The following SESTD1 variants were observed in gnomAD, a reference collection of about 807,000 sequenced individuals.
SESTD1 encodes SEC14 and spectrin domain containing 1.
A neutral mutation model predicts 101.7 loss-of-function variants in SESTD1; 43 were observed. That is an observed-to-expected ratio of 0.42 (90% CI 0.33 to 0.55). SESTD1 has a LOEUF of 0.55. SESTD1 is among the 20% of genes least tolerant of loss of function. The probability of loss-of-function intolerance (pLI) is 0.07; values close to 1 mark genes in which losing one functional copy is unlikely to be tolerated. For missense variants in SESTD1, 647 were observed against 815.1 expected (o/e 0.79, Z 2.51); for synonymous variants, 283 against 286.8 (o/e 0.99, Z 0.13).
intron 3 of SESTD1, 25 bp downstream of exon 3, chr2:179,183,055 T>C: frequency 6.8e-7 from 1 of 1,471,422 alleles, no homozygotes; most frequent in Non-Finnish European, 9.3e-7. Flanking sequence ...TACTGAGATT[T>C]AAGAAAAGAC....
intron 1 of SESTD1, among the ~76,000 whole-genome samples, chr2:179,245,422 A>G (rs905749410): frequency 6.6e-6 from 1 of 150,976 alleles, no homozygotes; most frequent in African/African-American, 2.4e-5. Flanking sequence ...AGGCTAAGGC[A>G]GAAGAATCAC....
At chr2:179,243,623 T>C (rs1328493197) in intron 1 of SESTD1, among the ~76,000 whole-genome samples, 3 of 152,122 alleles carry the variant, frequency 2.0e-5, no homozygotes, top group African/African-American at 7.2e-5. Context: ...TGGATGCAGC[T>C]AGAGGACATC....
intron 1 of SESTD1, among the ~76,000 whole-genome samples, chr2:179,198,569 A>G (rs1217920757): frequency 4.6e-5 from 7 of 152,120 alleles, no homozygotes; most frequent in African/African-American, 1.4e-4. Flanking sequence ...AGCTCTCCTC[A>G]GCAAATGTAA....
At chr2:179,232,791 TG>T (rs2047005823) in intron 1 of SESTD1, among the ~76,000 whole-genome samples, 1 of 152,204 alleles carries the variant, frequency 6.6e-6, no homozygotes, top group African/African-American at 2.4e-5. Flanking sequence ...TTCTACTTTT[TG>T]TATAGGAAAG....
intron 9 of SESTD1, 64 bp downstream of exon 9, chr2:179,143,524 TAGTC>T (rs368425508): frequency 2.5e-4 from 354 of 1,392,340 alleles, no homozygotes; most frequent in African/African-American, 1.8e-3. Context: ...TAAGACTTAA[TAGTC>T]AGTCACATAG....
intron 10 of SESTD1, among the ~76,000 whole-genome samples, chr2:179,131,846 G>A (rs1436372131): frequency 6.6e-6 from 1 of 152,134 alleles, no homozygotes; most frequent in Non-Finnish European, 1.5e-5. Context: ...CTCAGAGAAT[G>A]GAAAAATATT....
chr2:179,135,177 T>C (rs1051712079), intron 9 of SESTD1, among the ~76,000 whole-genome samples: 1 of 152,090 alleles, frequency 6.6e-6, no homozygotes, highest in Non-Finnish European at 1.5e-5. Flanking sequence ...ACTCCTGACC[T>C]CGTGATGCAC....
At chr2:179,192,627 G>A (rs2046334900) in intron 1 of SESTD1, among the ~76,000 whole-genome samples, 1 of 152,154 alleles carries the variant, frequency 6.6e-6, no homozygotes, top group African/African-American at 2.4e-5. Context: ...AATACAAAAA[G>A]GGACTACCCT....
At chr2:179,258,538 T>C (rs1270920211) in intron 1 of SESTD1, among the ~76,000 whole-genome samples, 1 of 152,208 alleles carries the variant, frequency 6.6e-6, no homozygotes, top group Non-Finnish European at 1.5e-5. Context: ...GGCAGGTTCA[T>C]TTTCTAAATG....
chr2:179,183,787 G>A (rs539108745), intron 2 of SESTD1, among the ~76,000 whole-genome samples: 16 of 151,010 alleles, frequency 1.1e-4, no homozygotes, highest in South Asian at 6.3e-4. Flanking sequence ...AGTACTGGCC[G>A]GGGCAACATA....
intron 10 of SESTD1, among the ~76,000 whole-genome samples, chr2:179,128,820 T>G (rs1042607082): frequency 3.3e-5 from 5 of 151,902 alleles, no homozygotes; most frequent in African/African-American, 1.2e-4. Context: ...ACAGCCATTC[T>G]CCGGTCTGTC....
rs71023474 is a variant in SESTD1 at position 179,230,113 on chromosome 2, C to CTTTTTTTT, written c.-26+34378_-26+34385dup. 3.2e-3 allele frequency among the ~76,000 whole-genome samples: 181 copies of CTTTTTTTT among 56,416 alleles called. 60 individuals are homozygous for CTTTTTTTT. The highest frequency in any genetic ancestry group is 0.013 in the East Asian group (15 of 1,138). The allele number at this position is 56,416 out of a possible 152,430, so 37.0% of individuals were successfully genotyped here. ...AAATATTCCAAACTGGATTGTATCT[C>CTTTTTTTT]TTTTTTTTTTTTTTTTTTTTTTTTT... On this transcript the variant is annotated intron_variant, in intron 1 of 17. Transcript: ENST00000428443.
chr2:179,234,876 AG>A (rs1034773748), intron 1 of SESTD1, among the ~76,000 whole-genome samples: 6 of 151,114 alleles, frequency 4.0e-5, no homozygotes, highest in African/African-American at 7.3e-5. Flanking sequence ...TGGAAGGCTG[AG>A]GTGGGAGGAT....
rs1414299772 is a variant in SESTD1 at position 179,216,469 on chromosome 2, T to C, written c.-25-24603A>G. ...AGGAGAACTACCAACCACTGCTCAA[T>C]GAAATAAAAGAGGACACAAACAAAT... On this transcript the variant is annotated intron_variant, in intron 1 of 17. Coordinates refer to ENST00000428443, the MANE Select transcript of SESTD1 (RefSeq NM_178123.5). Among the ~76,000 whole-genome samples, 3 of 134,240 alleles carry C rather than the reference T, an allele frequency of 2.2e-5. 1 individual carries two copies. The highest frequency in any genetic ancestry group is 4.8e-5 in the Non-Finnish European group (3 of 62,640). The allele number at this position is 134,240 out of a possible 152,430, so 88.1% of individuals were successfully genotyped here.
At chr2:179,199,756 C>T (rs964877072) in intron 1 of SESTD1, among the ~76,000 whole-genome samples, 2 of 152,150 alleles carry the variant, frequency 1.3e-5, no homozygotes, top group Admixed American at 6.5e-5. Context: ...AATTCAACAA[C>T]CCTTCATGCT....
intron 3 of SESTD1, among the ~76,000 whole-genome samples, chr2:179,178,074 C>T (rs2046042354): frequency 6.6e-6 from 1 of 152,166 alleles, no homozygotes. Context: ...CCAATGGGAA[C>T]ACAGTTTATT....
At chr2:179,221,183 T>A (rs2046809325) in intron 1 of SESTD1, among the ~76,000 whole-genome samples, 1 of 152,080 alleles carries the variant, frequency 6.6e-6, no homozygotes. Context: ...AAATAGTTTT[T>A]AAAAAAGGTT....
At position 179,109,499 on chromosome 2, in the gene SESTD1, T is replaced by G; in HGVS notation, c.*400A>C. 2.6e-6 allele frequency: 1 copy of G among 386,096 alleles called. No homozygotes were observed. The highest frequency in any genetic ancestry group is 1.4e-4 in the South Asian group (1 of 7,046). 23.9% of individuals were successfully genotyped at this position (386,096 alleles called of 1,614,324 possible). ...GGACACCACTGTCTACTAACAAGAG[T>G]TTAACTACTGTCTAAATTTACTAAA... On this transcript the variant is annotated 3_prime_UTR_variant, in exon 18 of 18. Coordinates refer to ENST00000428443, the MANE Select transcript of SESTD1 (RefSeq NM_178123.5).
rs551096003 is a variant in SESTD1 at position 179,129,869 on chromosome 2, A to T, written c.972+2435T>A. 3.3e-5 allele frequency among the ~76,000 whole-genome samples: 5 copies of T among 152,298 alleles called. No individual in the cohort carries two copies. The East Asian group carries it at 7.7e-4, about 23-fold the overall frequency. On this transcript the variant is annotated intron_variant, in intron 10 of 17. Coordinates refer to ENST00000428443, the MANE Select transcript of SESTD1 (RefSeq NM_178123.5). ...GCTAAAACAGCACAACTGGCTTTTTAAAAATATGTCAAAAGTGGGAAGAAT... is the reference window on the plus strand; with the variant it reads ...GCTAAAACAGCACAACTGGCTTTTTTAAAATATGTCAAAAGTGGGAAGAAT...
Sources: gnomAD v4.1 joint callset for allele counts (sites outside exome capture counted in the v4.1 genomes callset) on GRCh38, gnomAD v4.1.1 for gene constraint, MANE v1.5 for transcripts, NCBI Gene and HGNC (gene_info 2026-07-23, HGNC 2026-07-21) for gene names.